The following CSMD1 variants were observed in gnomAD, a reference collection of about 807,000 sequenced individuals.
CSMD1 encodes CUB and sushi domain-containing protein 1.
In CSMD1, 213 loss-of-function variants were observed where a neutral mutation model predicts 417.5. That is an observed-to-expected ratio of 0.51 (90% CI 0.46 to 0.57). The LOEUF is 0.57. CSMD1 is among the 20% of genes least tolerant of loss of function. CSMD1 has a pLI of 0.00. For missense variants in CSMD1, 6,923 were observed against 4,529.7 expected (o/e 1.53, Z -15.17); for synonymous variants, 2,862 against 1,736.8 (o/e 1.65, Z -16.11).
intron 1 of CSMD1, among the ~76,000 whole-genome samples, chr8:4,671,618 T>G (rs578103535): frequency 3.4e-4 from 52 of 152,328 alleles, no homozygotes; most frequent in African/African-American, 1.2e-3. Context: ...AGTTCCTCTC[T>G]CAGCACAGAG....
chr8:3,465,283 A>G (rs549018961), intron 12 of CSMD1, among the ~76,000 whole-genome samples: 7 of 152,202 alleles, frequency 4.6e-5, no homozygotes, highest in African/African-American at 1.7e-4. Context: ...ATGCTCCTAA[A>G]AGGGTCCATT....
intron 3 of CSMD1, among the ~76,000 whole-genome samples, chr8:4,066,702 G>T (rs573606308): frequency 3.3e-5 from 5 of 152,044 alleles, no homozygotes; most frequent in African/African-American, 9.7e-5. Context: ...GAAATTAGAT[G>T]ATAGTATATT....
chr8:4,429,133 A>G (rs1257694668), intron 2 of CSMD1, among the ~76,000 whole-genome samples: 3 of 151,306 alleles, frequency 2.0e-5, no homozygotes, highest in African/African-American at 7.3e-5. Flanking sequence ...TTCTATGAAA[A>G]CTGATATATA....
At chr8:3,913,746 G>T (rs184980848) in intron 5 of CSMD1, among the ~76,000 whole-genome samples, 5 of 152,250 alleles carry the variant, frequency 3.3e-5, no homozygotes, top group Non-Finnish European at 5.9e-5. Context: ...AGGAATGTGG[G>T]TCACAGGATG....
At chr8:4,718,892 G>C (rs1623729) in intron 1 of CSMD1, among the ~76,000 whole-genome samples, 76,434 of 151,846 alleles carry the variant, frequency 0.5, 21,411 homozygotes, top group East Asian at 0.74. Flanking sequence ...ACGTATCTTT[G>C]AACTCTATGA....
intron 3 of CSMD1, among the ~76,000 whole-genome samples, chr8:4,035,377 G>A (rs764073281): frequency 2.6e-5 from 4 of 152,062 alleles, no homozygotes; most frequent in Non-Finnish European, 4.4e-5. Flanking sequence ...TTATTTCAGA[G>A]TGTGCTTCTT....
intron 12 of CSMD1, among the ~76,000 whole-genome samples, chr8:3,414,960 C>G (rs975267156): frequency 6.6e-6 from 1 of 152,124 alleles, no homozygotes; most frequent in Non-Finnish European, 1.5e-5. Context: ...ATTATATGTA[C>G]TTTTTGTGCT....
intron 23 of CSMD1, among the ~76,000 whole-genome samples, chr8:3,316,235 T>C (rs758245396): frequency 2.0e-5 from 3 of 152,214 alleles, no homozygotes; most frequent in Non-Finnish European, 2.9e-5. Context: ...ATATACTGTA[T>C]GTATTGTAAC....
chr8:3,979,067 A>T (rs1489551011), intron 5 of CSMD1, among the ~76,000 whole-genome samples: 1 of 152,216 alleles, frequency 6.6e-6, no homozygotes, highest in Non-Finnish European at 1.5e-5. Context: ...TTTCCTTCAG[A>T]TGTGCACAGC....
At chr8:4,669,642 C>T (rs1805167845) in intron 1 of CSMD1, among the ~76,000 whole-genome samples, 1 of 152,162 alleles carries the variant, frequency 6.6e-6, no homozygotes, top group Non-Finnish European at 1.5e-5. Flanking sequence ...AACCTTCCAA[C>T]AAAGTTCTTA....
intron 49 of CSMD1, among the ~76,000 whole-genome samples, chr8:3,081,647 A>C (rs1054638924): frequency 1.3e-5 from 2 of 152,208 alleles, no homozygotes; most frequent in Non-Finnish European, 2.9e-5. Flanking sequence ...TTTTGACCAA[A>C]TGTGAGATAC....
At chr8:4,833,298 C>T (rs967742812) in intron 1 of CSMD1, among the ~76,000 whole-genome samples, 4 of 152,142 alleles carry the variant, frequency 2.6e-5, no homozygotes, top group East Asian at 1.9e-4. Context: ...GGCAGAAGGG[C>T]GAATGGGAAG....
intron 3 of CSMD1, among the ~76,000 whole-genome samples, chr8:4,041,788 T>C (rs192189682): frequency 2.3e-4 from 35 of 152,028 alleles, no homozygotes; most frequent in Admixed American, 1.3e-3. Flanking sequence ...ATGGGAAATA[T>C]TAAAAAACAA....
At chr8:4,274,001 G>C (rs967744909) in intron 3 of CSMD1, among the ~76,000 whole-genome samples, 4 of 152,106 alleles carry the variant, frequency 2.6e-5, no homozygotes, top group Admixed American at 6.6e-5. Flanking sequence ...ATAACCGCAT[G>C]CATTTTTTCA....
In CSMD1 at chr8:3,753,911, T is replaced by G. The variant is rs1240414959; in HGVS notation, c.931+19A>C. 3.3e-6 allele frequency: 5 copies of G among 1,527,334 alleles called. No homozygotes were observed. In the Admixed American group the frequency reaches 8.6e-5, roughly 26 times the overall value. The allele number at this position is 1,527,334 out of a possible 1,614,324, so 94.6% of individuals were successfully genotyped here. On this transcript the variant is annotated intron_variant, in intron 6 of 69. Transcript: ENST00000635120. ...TACGCTCTGTTTTTTTTTTTTCTTA[T>G]AAGATGGAGCATCCTTACCTTGGAA...
intron 2 of CSMD1, among the ~76,000 whole-genome samples, chr8:4,516,773 A>T (rs987865788): frequency 1.3e-5 from 2 of 152,144 alleles, no homozygotes; most frequent in African/African-American, 2.4e-5. Context: ...GGATCAACTC[A>T]TGTAAAGTTC....
At chr8:3,943,234 C>A (rs1185364482) in intron 5 of CSMD1, among the ~76,000 whole-genome samples, 2 of 151,734 alleles carry the variant, frequency 1.3e-5, no homozygotes, top group African/African-American at 4.8e-5. Context: ...AACCTTTGTA[C>A]AATCAACATT....
intron 10 of CSMD1, among the ~76,000 whole-genome samples, chr8:3,528,184 C>G (rs1481540526): frequency 6.6e-6 from 1 of 152,218 alleles, no homozygotes; most frequent in African/African-American, 2.4e-5. Flanking sequence ...CTGGTAGAAT[C>G]AAAGTTTGAT....
At chr8:3,626,766 C>G (rs887691943) in intron 7 of CSMD1, among the ~76,000 whole-genome samples, 1 of 149,968 alleles carries the variant, frequency 6.7e-6, no homozygotes, top group African/African-American at 2.4e-5. Flanking sequence ...CCTATGTATT[C>G]AGAATAAGAG....
Sources: gnomAD v4.1 joint callset for allele counts (sites outside exome capture counted in the v4.1 genomes callset) on GRCh38, gnomAD v4.1.1 for gene constraint, MANE v1.5 for transcripts, NCBI Gene and HGNC (gene_info 2026-07-23, HGNC 2026-07-21) for gene names.